Variants in FSHR observed in about 807,000 individuals in gnomAD.
The protein encoded by FSHR is follicle stimulating hormone receptor.
FSHR carries 46 observed loss-of-function variants against 52.1 expected under a neutral mutation model. That is an observed-to-expected ratio of 0.88 (90% confidence interval 0.70 to 1.13). The LOEUF is 1.13. Ranked by LOEUF, FSHR falls within the 50% of genes most tolerant of loss-of-function variation. The pLI is 0.00. For synonymous variants in FSHR, 399 were observed against 309.6 expected, an observed-to-expected ratio of 1.29 and a Z score of -3.03; for missense variants, 964 against 834.6, an observed-to-expected ratio of 1.16 and a Z score of -1.91.
chr2:49,073,702 G>A (rs977300868), intron 1 of FSHR, among the ~76,000 whole-genome samples: 5 of 151,844 alleles, frequency 3.3e-5, no homozygotes, highest in Admixed American at 2.6e-4. Context: ...TTAAAATTTT[G>A]TGGAACCACA....
chr2:49,089,713 T>G (rs919037553), intron 1 of FSHR, among the ~76,000 whole-genome samples: 1 of 152,188 alleles, frequency 6.6e-6, no homozygotes, highest in African/African-American at 2.4e-5. Context: ...AAGAATGAGA[T>G]ATGTGTCTTG....
At chr2:49,124,930 C>T (rs181441220) in intron 1 of FSHR, among the ~76,000 whole-genome samples, 1 of 152,296 alleles carries the variant, frequency 6.6e-6, no homozygotes, top group East Asian at 1.9e-4. Flanking sequence ...ACTCTCTGAC[C>T]TTATCTTACA....
intron 4 of FSHR, among the ~76,000 whole-genome samples, chr2:49,000,372 G>C (rs1405656859): frequency 6.6e-6 from 1 of 152,144 alleles, no homozygotes; most frequent in Non-Finnish European, 1.5e-5. Flanking sequence ...AAATAGGCCT[G>C]ACTTGAATGT....
intron 8 of FSHR, among the ~76,000 whole-genome samples, chr2:48,969,729 A>C (rs1393976453): frequency 6.6e-6 from 1 of 152,250 alleles, no homozygotes; most frequent in East Asian, 1.9e-4. Flanking sequence ...CTGCCTGTCC[A>C]TTAGACCTCA....
At chr2:48,997,935 C>T (rs533622777) in intron 4 of FSHR, among the ~76,000 whole-genome samples, 1 of 152,184 alleles carries the variant, frequency 6.6e-6, no homozygotes, top group African/African-American at 2.4e-5. Context: ...ATTCCTCCTG[C>T]CCTCGTTCTC....
At chr2:49,066,483 T>C (rs1669506852) in intron 2 of FSHR, among the ~76,000 whole-genome samples, 2 of 152,054 alleles carry the variant, frequency 1.3e-5, no homozygotes, top group African/African-American at 4.8e-5. Context: ...TCAGGTTCAG[T>C]TCAGTGCTGG....
intron 1 of FSHR, among the ~76,000 whole-genome samples, chr2:49,125,631 T>C (rs954184411): frequency 6.6e-6 from 1 of 152,204 alleles, no homozygotes; most frequent in African/African-American, 2.4e-5. Context: ...CACGAATGAA[T>C]TGATGATATA....
At chr2:49,041,157 T>C (rs1225913269) in intron 2 of FSHR, among the ~76,000 whole-genome samples, 3 of 152,204 alleles carry the variant, frequency 2.0e-5, no homozygotes, top group Non-Finnish European at 4.4e-5. Context: ...TTTGAAACTC[T>C]AATTAAATGA....
At chr2:48,967,149 A>G (rs1674511047) in intron 9 of FSHR, among the ~76,000 whole-genome samples, 1 of 152,194 alleles carries the variant, frequency 6.6e-6, no homozygotes, top group African/African-American at 2.4e-5. Context: ...AGGCTGAAGT[A>G]CAGTGGCACA....
At chr2:49,072,243 A>C (rs76115179) in intron 1 of FSHR, among the ~76,000 whole-genome samples, 61 of 140,368 alleles carry the variant, frequency 4.3e-4, no homozygotes, top group Admixed American at 2.1e-3. Context: ...AACCAACCAA[A>C]CAAACAAACA....
intron 1 of FSHR, among the ~76,000 whole-genome samples, chr2:49,079,340 AAAGCACAGTTG>A (rs772160469): frequency 5.1e-4 from 77 of 152,298 alleles, no homozygotes; most frequent in Non-Finnish European, 8.8e-4. Context: ...AAACCCATCT[AAAGCACAGTTG>A]TTTTTTTGTT....
At chr2:49,096,481 C>T (rs4355155) in intron 1 of FSHR, among the ~76,000 whole-genome samples, 39,916 of 152,088 alleles carry the variant, frequency 0.26, 5,697 homozygotes, top group African/African-American at 0.38. Context: ...TGATTGCCAA[C>T]GATATGGGGT....
At chr2:49,076,425 G>A (rs1669952779) in intron 1 of FSHR, among the ~76,000 whole-genome samples, 1 of 152,020 alleles carries the variant, frequency 6.6e-6, no homozygotes, top group Non-Finnish European at 1.5e-5. Context: ...CGTGAAAACA[G>A]CACGGGAAAA....
At chr2:49,107,189 C>T (rs1671252427) in intron 1 of FSHR, among the ~76,000 whole-genome samples, 1 of 152,138 alleles carries the variant, frequency 6.6e-6, no homozygotes, top group Non-Finnish European at 1.5e-5. Context: ...CTTGCTGTTT[C>T]TTGATTGCAC....
intron 1 of FSHR, among the ~76,000 whole-genome samples, chr2:49,131,077 C>T (rs1672246661): frequency 1.3e-5 from 2 of 151,964 alleles, no homozygotes; most frequent in African/African-American, 2.4e-5. Context: ...ATTAGATGAG[C>T]CATGTATCAG....
chr2:48,990,515 C>T (rs1193954699), intron 5 of FSHR, 51 bp downstream of exon 5: 3 of 1,195,222 alleles, frequency 2.5e-6, no homozygotes, highest in Non-Finnish European at 3.8e-6. Flanking sequence ...AGCCGTTGGG[C>T]AAGACAGATA....
chr2:48,967,971 C>T (rs1042041001), intron 9 of FSHR, among the ~76,000 whole-genome samples: 7 of 152,206 alleles, frequency 4.6e-5, no homozygotes, highest in African/African-American at 1.4e-4. Context: ...CTCTGATACT[C>T]AGTAAGTTCT....
Position 49,043,903 on chromosome 2 carries a change from T to G in FSHR, c.225-23743A>C, listed in dbSNP as rs1668567016. ...CACTTTCCCCTCTCTTCTTTGATAATGGAAATCCTACTGTCTCCATAAAAC... is the reference window on the plus strand; with the variant it reads ...CACTTTCCCCTCTCTTCTTTGATAAGGGAAATCCTACTGTCTCCATAAAAC... On this transcript the variant is annotated intron_variant, in intron 2 of 9. Transcript: ENST00000406846. Among the ~76,000 whole-genome samples the G allele has an allele frequency of 3.3e-5, 5 of 152,332 alleles. No individual in the cohort carries two copies. The South Asian group carries it at 8.3e-4, about 25-fold the overall frequency.
intron 3 of FSHR, 73 bp downstream of exon 3, chr2:49,020,013 C>A: frequency 7.7e-7 from 1 of 1,303,890 alleles, no homozygotes; most frequent in Non-Finnish European, 1.1e-6. Context: ...TCAGGGCCTC[C>A]CAGGAATGTA....
Sources: allele counts gnomAD v4.1 joint callset (sites outside exome capture counted in the v4.1 genomes callset), GRCh38; gene constraint gnomAD v4.1.1; transcripts MANE v1.5; gene names NCBI Gene and HGNC (gene_info 2026-07-23, HGNC 2026-07-21).